DTNBP1: variants seen among roughly 807,000 people sequenced by gnomAD.
DTNBP1 encodes the protein dysbindin.
A neutral mutation model predicts 42.8 loss-of-function variants in DTNBP1; 35 were observed. The ratio of observed to expected loss-of-function variants is 0.82; its 90% CI spans 0.63 to 1.09. DTNBP1 has a LOEUF of 1.09. DTNBP1 is among the 50% of genes least tolerant of loss of function. DTNBP1 has a pLI of 0.00. For synonymous variants in DTNBP1, 171 were observed against 162.2 expected, an observed-to-expected ratio of 1.05 and a Z score of -0.41; for missense variants, 457 against 424.2, an observed-to-expected ratio of 1.08 and a Z score of -0.68.
At chr6:15,525,811 C>G (rs1002972737) in intron 8 of DTNBP1, among the ~76,000 whole-genome samples, 9 of 152,134 alleles carry the variant, frequency 5.9e-5, no homozygotes, top group Non-Finnish European at 4.4e-5. Context: ...GGTCACATTT[C>G]CCCGAAGCCA....
At chr6:15,653,186 T>C (rs1308157134) in intron 1 of DTNBP1, among the ~76,000 whole-genome samples, 2 of 152,224 alleles carry the variant, frequency 1.3e-5, no homozygotes, top group Non-Finnish European at 1.5e-5. Context: ...CAAACTTCTT[T>C]CATTAAAGAG....
intron 9 of DTNBP1, chr6:15,523,791 A>C: frequency 7.8e-7 from 1 of 1,287,164 alleles, no homozygotes; most frequent in Non-Finnish European, 1.0e-6. Flanking sequence ...AATGCACCCA[A>C]GCTCCTTCTC....
At chr6:15,575,333 A>ATT (rs1222671012) in intron 7 of DTNBP1, among the ~76,000 whole-genome samples, 2 of 152,226 alleles carry the variant, frequency 1.3e-5, no homozygotes, top group Non-Finnish European at 2.9e-5. Context: ...AACAGACTGA[A>ATT]TATGAGAGAA....
intron 7 of DTNBP1, among the ~76,000 whole-genome samples, chr6:15,569,034 A>G (rs1775220298): frequency 6.6e-6 from 1 of 152,190 alleles, no homozygotes; most frequent in African/African-American, 2.4e-5. Context: ...AACCATCCTC[A>G]CAGGCTAACA....
chr6:15,659,887 A>G (rs1440951203), intron 1 of DTNBP1, among the ~76,000 whole-genome samples: 3 of 149,516 alleles, frequency 2.0e-5, no homozygotes, highest in East Asian at 3.9e-4. Flanking sequence ...CCAGTCTTGA[A>G]CTCCTGGGCT....
intron 4 of DTNBP1, among the ~76,000 whole-genome samples, chr6:15,636,896 T>A (rs947367844): frequency 6.6e-5 from 10 of 152,228 alleles, no homozygotes; most frequent in Admixed American, 6.5e-4. Flanking sequence ...GCTTAATGTA[T>A]CTTAAAGAAC....
At chr6:15,609,168 C>CTT (rs200792425) in intron 6 of DTNBP1, among the ~76,000 whole-genome samples, 39 of 142,940 alleles carry the variant, frequency 2.7e-4, no homozygotes, top group Admixed American at 6.3e-4. Flanking sequence ...TTGCTACCTT[C>CTT]TTTTTTTTTT....
chr6:15,541,894 G>A (rs532781639), intron 7 of DTNBP1, among the ~76,000 whole-genome samples: 2 of 152,088 alleles, frequency 1.3e-5, no homozygotes, highest in Non-Finnish European at 2.9e-5. Flanking sequence ...ATATAGTGAG[G>A]TGTTAATGAC....
At chr6:15,651,652 A>G (rs1761003708) in intron 2 of DTNBP1, among the ~76,000 whole-genome samples, 1 of 152,214 alleles carries the variant, frequency 6.6e-6, no homozygotes, top group East Asian at 1.9e-4. Flanking sequence ...TTCTAGGTTG[A>G]AAATGAAATC....
At chr6:15,529,527 G>A (rs970744549) in intron 8 of DTNBP1, among the ~76,000 whole-genome samples, 2 of 152,080 alleles carry the variant, frequency 1.3e-5, no homozygotes, top group East Asian at 3.9e-4. Flanking sequence ...CCCAAACCTC[G>A]TTCTCTTCCC....
intron 3 of DTNBP1, among the ~76,000 whole-genome samples, chr6:15,639,406 A>C (rs746838233): frequency 6.6e-6 from 1 of 152,214 alleles, no homozygotes; most frequent in African/African-American, 2.4e-5. Flanking sequence ...TATCCAGCGA[A>C]TATTTCTCCA....
chr6:15,534,418 G>A (rs1415507371), intron 7 of DTNBP1, among the ~76,000 whole-genome samples: 6 of 152,246 alleles, frequency 3.9e-5, no homozygotes, highest in East Asian at 1.9e-4. Context: ...TTGGGAGGCC[G>A]AGGCAGGCGG....
At chr6:15,627,290 C>G in intron 5 of DTNBP1, 53 bp downstream of exon 5, 1 of 1,604,348 alleles carries the variant, frequency 6.2e-7, no homozygotes, top group Admixed American at 1.7e-5. Context: ...CCAAACCCTG[C>G]CCAAGTTGTT....
chr6:15,524,087 C>T, intron 9 of DTNBP1: 1 of 1,323,102 alleles, frequency 7.6e-7, no homozygotes, highest in Non-Finnish European at 9.9e-7. Context: ...CAACACAGGC[C>T]AAGAGCTGAA....
intron 6 of DTNBP1, among the ~76,000 whole-genome samples, chr6:15,600,650 G>A (rs1776693458): frequency 6.6e-6 from 1 of 152,204 alleles, no homozygotes; most frequent in African/African-American, 2.4e-5. Flanking sequence ...CTCCGGAAAG[G>A]ATCAGTGAAG....
intron 1 of DTNBP1, among the ~76,000 whole-genome samples, 186 bp from the exon 2 acceptor site, chr6:15,652,326 C>A (rs1761049230): frequency 6.6e-6 from 1 of 151,960 alleles, no homozygotes; most frequent in Non-Finnish European, 1.5e-5. Context: ...ACTATAGTCA[C>A]CCGCCACCAC....
chr6:15,556,289 C>A (rs1037332847), intron 7 of DTNBP1, among the ~76,000 whole-genome samples: 2 of 151,574 alleles, frequency 1.3e-5, no homozygotes, highest in African/African-American at 4.9e-5. Context: ...TCAAGAGATT[C>A]TCCTGCCCCA....
rs770898603 is a variant in DTNBP1 at position 15,662,893 on chromosome 6, C to T, written c.-24G>A. The T allele has an allele frequency of 1.9e-6, 3 of 1,602,884 alleles. No individual in the cohort carries two copies. Among genetic ancestry groups the T allele is most frequent in the Admixed American group, 1.7e-5 (1 of 59,984 alleles). ...ATTGCCGCCGCCGCCGGTCTCCTCT[C>T]CTCAGGCCTCGGGCTGCTGCTGCCT... On this transcript the variant is annotated 5_prime_UTR_variant, in exon 1 of 10. Transcript: ENST00000344537.
intron 4 of DTNBP1, 25 bp downstream of exon 4, chr6:15,637,719 A>G (rs1192367634): frequency 5.0e-6 from 8 of 1,612,694 alleles, no homozygotes; most frequent in Admixed American, 3.3e-5. Flanking sequence ...GTTTGCCACG[A>G]GTATAAGATT....
Sources: gnomAD v4.1 joint callset for allele counts (sites outside exome capture counted in the v4.1 genomes callset) on GRCh38, gnomAD v4.1.1 for gene constraint, MANE v1.5 for transcripts, NCBI Gene and HGNC (gene_info 2026-07-23, HGNC 2026-07-21) for gene names.